CCDC144A: variants seen among roughly 807,000 people sequenced by gnomAD.
CCDC144A encodes coiled-coil domain-containing protein 144A.
A neutral mutation model predicts 143.8 loss-of-function variants in CCDC144A; 41 were observed. The ratio of observed to expected loss-of-function variants is 0.29; its 90% CI spans 0.22 to 0.37. The LOEUF (loss-of-function observed/expected upper bound fraction) is 0.37. CCDC144A is among the 10% of genes least tolerant of loss of function. The probability of loss-of-function intolerance (pLI) is 1.00; values close to 1 mark genes in which losing one functional copy is unlikely to be tolerated. For synonymous variants in CCDC144A, 242 were observed against 517.9 expected (o/e 0.47, Z 7.23); for missense variants, 637 against 1,488.8 (o/e 0.43, Z 9.41).
chr17:16,698,645 T>C lies in CCDC144A; in HGVS notation c.415+5596T>C, dbSNP rs1322449286. 5.9e-5 allele frequency among the ~76,000 whole-genome samples: 9 copies of C among 152,282 alleles called. No homozygotes were observed. The East Asian group carries it at 1.5e-3, about 26-fold the overall frequency. ...CTTTTTTGTGGAAATGCTTGTTTGG[T>C]ACTCAAGTCCTTGATAGGCTCTTCT... On this transcript the variant is annotated intron_variant, in intron 2 of 16. Transcript: ENST00000399273.
intron 2 of CCDC144A, among the ~76,000 whole-genome samples, chr17:16,693,440 G>A (rs146670771): frequency 9.0e-4 from 137 of 151,636 alleles, no homozygotes; most frequent in African/African-American, 3.0e-3. Flanking sequence ...CTCAGCCTGC[G>A]GAGTAGCTGG....
chr17:16,728,355 A>G (rs1301992060), intron 9 of CCDC144A, among the ~76,000 whole-genome samples: 2 of 152,208 alleles, frequency 1.3e-5, no homozygotes, highest in African/African-American at 2.4e-5. Flanking sequence ...CATTTTTTAT[A>G]TAAATGTTTT....
chr17:16,731,792 A>G lies in CCDC144A; in HGVS notation c.2106-8A>G. 1 of 180,684 alleles carries G rather than the reference A, an allele frequency of 5.5e-6. No individual in the cohort carries two copies. The highest frequency in any genetic ancestry group is 4.1e-5 in the South Asian group (1 of 24,616). 11.2% of individuals were successfully genotyped at this position (180,684 alleles called of 1,614,324 possible). ...ACACATTTTAATGTAATCCATGTTT[A>G]ACTGCAGACTTGCCTTAAAACAAGA... is the stretch of plus-strand genomic sequence containing the variant. On this transcript the variant is annotated splice_region_variant and splice_polypyrimidine_tract_variant and intron_variant, in intron 9 of 16. Transcript: ENST00000399273.
chr17:16,721,254 A>C (rs534739656), intron 8 of CCDC144A, among the ~76,000 whole-genome samples: 1 of 152,202 alleles, frequency 6.6e-6, no homozygotes, highest in African/African-American at 2.4e-5. Flanking sequence ...TCGTGTGCAC[A>C]TTTGAAACCA....
At chr17:16,746,793 C>A in intron 12 of CCDC144A, 1 of 1,510,312 alleles carries the variant, frequency 6.6e-7, no homozygotes, top group South Asian at 1.2e-5. Flanking sequence ...CCCACCGGGG[C>A]GGAGCGTGGA....
chr17:16,752,062 A>G (rs1400090969), intron 12 of CCDC144A, among the ~76,000 whole-genome samples: 1 of 152,080 alleles, frequency 6.6e-6, no homozygotes, highest in Non-Finnish European at 1.5e-5. Context: ...AGGGTCCCCA[A>G]CCTCCAGGTG....
chr17:16,672,651 A>C, the CCDC144A span, among the ~76,000 whole-genome samples: 1 of 152,108 alleles, frequency 6.6e-6, no homozygotes, highest in African/African-American at 2.4e-5. Context: ...AAAACCAATA[A>C]TTTATCATTG....
intron 8 of CCDC144A, 137 bp downstream of exon 8, chr17:16,720,795 C>T: frequency 7.0e-7 from 1 of 1,425,710 alleles, no homozygotes; most frequent in African/African-American, 1.4e-5. Flanking sequence ...CTAACTTATA[C>T]TCTACGCCAA....
the CCDC144A span, among the ~76,000 whole-genome samples, chr17:16,671,138 C>G: frequency 7.2e-5 from 11 of 151,850 alleles, no homozygotes; most frequent in Non-Finnish European, 1.6e-4. Flanking sequence ...AGACACCCAC[C>G]ACCACACCTA....
At chr17:16,681,092 T>C in the CCDC144A span, among the ~76,000 whole-genome samples, 2 of 151,990 alleles carry the variant, frequency 1.3e-5, no homozygotes, top group South Asian at 2.1e-4. Flanking sequence ...AAAAATGAGA[T>C]GAATAACTTG....
At chr17:16,696,820 A>C (rs1025006431) in intron 2 of CCDC144A, among the ~76,000 whole-genome samples, 4 of 151,890 alleles carry the variant, frequency 2.6e-5, no homozygotes, top group African/African-American at 9.7e-5. Context: ...TGTTTTGTTC[A>C]TGTCTGTTTT....
At chr17:16,715,982 G>C (rs1912729487) in intron 6 of CCDC144A, among the ~76,000 whole-genome samples, 1 of 152,216 alleles carries the variant, frequency 6.6e-6, no homozygotes, top group Admixed American at 6.5e-5. Context: ...TTTACAACTG[G>C]CTGTGGGTGG....
At chr17:16,759,612 G>A (rs536728649) in intron 12 of CCDC144A, among the ~76,000 whole-genome samples, 2 of 148,756 alleles carry the variant, frequency 1.3e-5, no homozygotes, top group East Asian at 4.0e-4. Context: ...CTATCCTGGA[G>A]CCCTTCCTAC....
rs556307268 is a variant in CCDC144A, at chr17:16,744,291, G to A, written c.3372+8648G>A. Among the ~76,000 whole-genome samples, 11 of 152,262 alleles carry A rather than the reference G, an allele frequency of 7.2e-5. No individual in the cohort carries two copies. The South Asian group carries it at 2.1e-3, about 29-fold the overall frequency. On this transcript the variant is annotated intron_variant, in intron 12 of 16. Transcript: ENST00000399273. ...AAACTGCTTTCCACAGTGGCTGAAC[G>A]AATTTACCATTTTCTCCAATAGTGT...
the CCDC144A span, among the ~76,000 whole-genome samples, chr17:16,672,111 A>G: frequency 3.3e-5 from 5 of 152,112 alleles, no homozygotes; most frequent in Admixed American, 6.6e-5. Flanking sequence ...AAGGATTTTT[A>G]ATAGGAATTT....
intron 15 of CCDC144A, among the ~76,000 whole-genome samples, chr17:16,770,941 C>T (rs1915803116): frequency 6.6e-6 from 1 of 151,876 alleles, no homozygotes; most frequent in Non-Finnish European, 1.5e-5. Context: ...ATGTTTTTGT[C>T]ACAGAAATGT....
intron 15 of CCDC144A, among the ~76,000 whole-genome samples, chr17:16,770,126 T>C (rs1915768469): frequency 6.6e-6 from 1 of 151,628 alleles, no homozygotes; most frequent in African/African-American, 2.4e-5. Flanking sequence ...ACACCTGGAC[T>C]GTCTGAGTTA....
At chr17:16,741,852 A>G (rs1283364048) in intron 12 of CCDC144A, among the ~76,000 whole-genome samples, 1 of 152,118 alleles carries the variant, frequency 6.6e-6, no homozygotes, top group East Asian at 1.9e-4. Flanking sequence ...AGGCTAATTA[A>G]TATATTCCAT....
chr17:16,729,350 G>A (rs1018947596), intron 9 of CCDC144A, among the ~76,000 whole-genome samples: 2 of 152,154 alleles, frequency 1.3e-5, no homozygotes, highest in African/African-American at 4.8e-5. Flanking sequence ...GTGCTGTTGA[G>A]CATTTTTAAA....
Sources: allele counts gnomAD v4.1 joint callset (sites outside exome capture counted in the v4.1 genomes callset), GRCh38; gene constraint gnomAD v4.1.1; transcripts MANE v1.5; gene names NCBI Gene and HGNC (gene_info 2026-07-23, HGNC 2026-07-21).